Variants in EPB41 observed in about 807,000 individuals in gnomAD.
EPB41 encodes protein 4.1.
In EPB41, 65 loss-of-function variants were observed where a neutral mutation model predicts 108.0. The ratio of observed to expected loss-of-function variants is 0.60; its 90% CI spans 0.49 to 0.74. EPB41 has a LOEUF of 0.74. EPB41 is among the 30% of genes least tolerant of loss of function. EPB41 has a pLI of 0.00. For missense variants in EPB41, 875 were observed against 1,037.0 expected (o/e 0.84, Z 2.15); for synonymous variants, 336 against 358.9 (o/e 0.94, Z 0.72).
chr1:29,050,916 C>G (rs1315690640), intron 11 of EPB41, among the ~76,000 whole-genome samples: 2 of 152,080 alleles, frequency 1.3e-5, no homozygotes, highest in Admixed American at 6.5e-5. Context: ...ACCTCGTGAT[C>G]CACCCACCTT....
intron 1 of EPB41, among the ~76,000 whole-genome samples, chr1:28,978,401 A>G (rs2095658138): frequency 6.6e-6 from 1 of 151,588 alleles, no homozygotes; most frequent in South Asian, 2.1e-4. Flanking sequence ...AATGTCTACA[A>G]TCCCCAAAAT....
intron 1 of EPB41, among the ~76,000 whole-genome samples, chr1:28,902,716 G>A: frequency 6.6e-6 from 1 of 152,058 alleles, no homozygotes; most frequent in East Asian, 1.9e-4. Flanking sequence ...AATATCCAGT[G>A]GACAGGGGCA....
At chr1:29,015,579 AAAAAAAAAAAAGAAAG>A in intron 5 of EPB41, 97 bp from the exon 6 acceptor site, 1 of 311,652 alleles carries the variant, frequency 3.2e-6, no homozygotes, top group Non-Finnish European at 5.2e-6. Context: ...CGTCTCAAAG[AAAAAAAAAAAAGAAAG>A]AAAAAGAAAA....
chr1:28,938,890 A>T (rs2094162574), intron 1 of EPB41, among the ~76,000 whole-genome samples: 1 of 152,156 alleles, frequency 6.6e-6, no homozygotes, highest in African/African-American at 2.4e-5. Context: ...TGGATTCCTT[A>T]GAATTTTCTA....
intron 5 of EPB41, among the ~76,000 whole-genome samples, chr1:29,012,545 G>A (rs1375912752): frequency 1.3e-5 from 2 of 152,096 alleles, no homozygotes; most frequent in African/African-American, 4.8e-5. Flanking sequence ...ATATTTCTGG[G>A]CTGAAAAAAG....
chr1:29,105,911 T>A (rs1373862232), intron 17 of EPB41, among the ~76,000 whole-genome samples: 1 of 151,948 alleles, frequency 6.6e-6, no homozygotes, highest in African/African-American at 2.4e-5. Context: ...CATGCCTGGC[T>A]AATTTATTGG....
At chr1:29,056,470 A>G (rs1306756571) in intron 12 of EPB41, among the ~76,000 whole-genome samples, 1 of 151,922 alleles carries the variant, frequency 6.6e-6, no homozygotes, top group African/African-American at 2.4e-5. Flanking sequence ...CCCCATGTAT[A>G]TTATCTCATT....
intron 3 of EPB41, among the ~76,000 whole-genome samples, chr1:28,995,327 G>A (rs571871365): frequency 8.5e-5 from 13 of 152,250 alleles, no homozygotes; most frequent in Middle Eastern, 3.4e-3. Context: ...ACTTTGGGAG[G>A]CCGAGGCAGG....
intron 1 of EPB41, among the ~76,000 whole-genome samples, chr1:28,984,866 C>T (rs1217439095): frequency 6.6e-6 from 1 of 152,114 alleles, no homozygotes; most frequent in Non-Finnish European, 1.5e-5. Context: ...GCTATGTTGC[C>T]CAAGCTGGTC....
chr1:29,013,126 A>C (rs1484394923), intron 5 of EPB41, among the ~76,000 whole-genome samples: 2 of 152,160 alleles, frequency 1.3e-5, no homozygotes, highest in Non-Finnish European at 2.9e-5. Context: ...AAAAAATTAC[A>C]CCATCCTGGC....
At chr1:29,059,083 T>C (rs1022924550) in intron 14 of EPB41, among the ~76,000 whole-genome samples, 1 of 152,172 alleles carries the variant, frequency 6.6e-6, no homozygotes, top group Non-Finnish European at 1.5e-5. Flanking sequence ...GAGACCAGCC[T>C]GGCCAACATG....
At chr1:28,908,971 T>C (rs1193566798) in intron 1 of EPB41, among the ~76,000 whole-genome samples, 1 of 150,772 alleles carries the variant, frequency 6.6e-6, no homozygotes, top group Non-Finnish European at 1.5e-5. Context: ...AATACTAGCC[T>C]ATCCCACATG....
chr1:29,013,256 C>T (rs1392226268), intron 5 of EPB41, among the ~76,000 whole-genome samples: 3 of 150,442 alleles, frequency 2.0e-5, no homozygotes, highest in South Asian at 2.1e-4. Context: ...ATCAGGGAGT[C>T]GGAGGTGGCA....
intron 3 of EPB41, 134 bp from the exon 4 acceptor site, chr1:28,997,081 G>A (rs1572153327): frequency 1.4e-6 from 1 of 720,188 alleles, no homozygotes; most frequent in South Asian, 1.5e-5. Context: ...GAGCCCAGGA[G>A]GTTGAGGCTG....
chr1:29,071,089 A>G (rs889602520), intron 16 of EPB41: 1 of 152,552 alleles, frequency 6.6e-6, no homozygotes, highest in Non-Finnish European at 1.5e-5. Flanking sequence ...CAGAAGCCTT[A>G]AAATGATAAC....
At position 29,093,889 on chromosome 1, in the gene EPB41, A is replaced by G. The variant is rs561129954; in HGVS notation, c.2185-3918A>G. ...CACTACACTCCAACCTGGGCGAGAA[A>G]GCGAGACTCTGTCTCCAAATATATA... is the stretch of plus-strand genomic sequence containing the variant. On this transcript the variant is annotated intron_variant, in intron 16 of 20. Transcript: ENST00000343067. Among the ~76,000 whole-genome samples, 3 of 152,330 alleles carry G rather than the reference A, an allele frequency of 2.0e-5. No homozygotes were observed. The South Asian group carries it at 6.2e-4, about 32-fold the overall frequency.
At chr1:28,924,964 CTTT>C (rs879448208) in intron 1 of EPB41, among the ~76,000 whole-genome samples, 3 of 128,326 alleles carry the variant, frequency 2.3e-5, no homozygotes, top group Admixed American at 8.1e-5. Context: ...GCCTGGCTAA[CTTT>C]TTTTTTTTTT....
intron 17 of EPB41, among the ~76,000 whole-genome samples, chr1:29,106,542 C>T (rs10915229): frequency 6.9e-6 from 1 of 144,790 alleles, no homozygotes; most frequent in South Asian, 2.2e-4. Flanking sequence ...ACTGCAACCT[C>T]TCAGCCTCCC....
chr1:28,911,398 C>T (rs2092249923), upstream of EPB41, among the ~76,000 whole-genome samples: 1 of 152,222 alleles, frequency 6.6e-6, no homozygotes, highest in South Asian at 2.1e-4. Context: ...CAGAGTAGTT[C>T]ATACCTGCCT....
Sources: allele counts gnomAD v4.1 joint callset (sites outside exome capture counted in the v4.1 genomes callset), GRCh38; gene constraint gnomAD v4.1.1; transcripts MANE v1.5; gene names NCBI Gene and HGNC (gene_info 2026-07-23, HGNC 2026-07-21).